Variants in SH3BP5 observed in about 807,000 individuals in gnomAD.
The protein encoded by SH3BP5 is SH3 domain binding protein 5.
In SH3BP5, 22 loss-of-function variants were observed where a neutral mutation model predicts 43.3. That is an observed-to-expected ratio of 0.51 (90% CI 0.36 to 0.73). The LOEUF is 0.73. SH3BP5 is among the 30% of genes least tolerant of loss of function. SH3BP5 has a pLI of 0.00. For synonymous variants in SH3BP5, 255 were observed against 225.8 expected (o/e 1.13, Z -1.16); for missense variants, 529 against 586.9 (o/e 0.90, Z 1.02).
rs1223277145 is a variant in SH3BP5 at position 15,255,239 on chromosome 3, T to G, written c.*847A>C. 2 of 152,688 alleles carry G rather than the reference T, an allele frequency of 1.3e-5. No individual in the cohort carries two copies. The highest frequency in any genetic ancestry group is 6.5e-5 in the Admixed American group (1 of 15,294). The allele number at this position is 152,688 out of a possible 1,614,324, so 9.5% of individuals were successfully genotyped here. A position where few individuals can be genotyped will look rare whatever the true frequency, so the allele number is the denominator to read the frequency against. ...ATAACCCTTAAATAATTTCATTTAT[T>G]TTTAAAGTTACAACCTACAGAGAAA... On this transcript the variant is annotated 3_prime_UTR_variant, in exon 9 of 9. Coordinates refer to ENST00000383791, the MANE Select transcript of SH3BP5 (RefSeq NM_004844.5).
At chr3:15,288,938 A>G in intron 3 of SH3BP5, among the ~76,000 whole-genome samples, 1 of 152,236 alleles carries the variant, frequency 6.6e-6, no homozygotes, top group Admixed American at 6.5e-5. Flanking sequence ...CACAATGTAG[A>G]ATGGGAAAGG....
At chr3:15,323,181 G>A (rs975701446) in intron 2 of SH3BP5, among the ~76,000 whole-genome samples, 7 of 145,640 alleles carry the variant, frequency 4.8e-5, no homozygotes, top group African/African-American at 1.8e-4. Flanking sequence ...GGCTCACTCA[G>A]GGAAACTAAT....
intron 3 of SH3BP5, among the ~76,000 whole-genome samples, chr3:15,296,643 C>T (rs1327780490): frequency 1.3e-5 from 2 of 151,222 alleles, no homozygotes; most frequent in Non-Finnish European, 2.9e-5. Context: ...AGTTTATATC[C>T]TACCTTTGCA....
chr3:15,339,275 A>G (rs978592676), intron 1 of SH3BP5, among the ~76,000 whole-genome samples: 20 of 152,018 alleles, frequency 1.3e-4, no homozygotes, highest in Non-Finnish European at 1.8e-4. Flanking sequence ...ATTGAATTAA[A>G]CTTGTCTCTT....
In SH3BP5 at chr3:15,258,952, C is replaced by CT; in HGVS notation, c.767dup (p.Ile257AspfsTer20). ...CACTGGAGCGCCGCCGCTCGTGGAT[C>CT]TCATCTGAGATCATCTCCAGGTTCT... On this transcript the variant is annotated frameshift_variant, in exon 7 of 9. Coordinates refer to ENST00000383791, the MANE Select transcript of SH3BP5 (RefSeq NM_004844.5). LOFTEE classifies it high-confidence loss of function. The CT allele has an allele frequency of 6.2e-7, 1 of 1,614,216 alleles. No homozygotes were observed. The highest frequency in any genetic ancestry group is 8.5e-7 in the Non-Finnish European group (1 of 1,180,036).
intron 3 of SH3BP5, among the ~76,000 whole-genome samples, 174 bp from the exon 4 acceptor site, chr3:15,270,051 G>A (rs1009985426): frequency 1.2e-4 from 19 of 152,340 alleles, no homozygotes; most frequent in African/African-American, 4.3e-4. Flanking sequence ...GACCCCTGAT[G>A]GGGGAGTGAG....
chr3:15,275,161 G>C (rs373226257), intron 3 of SH3BP5, among the ~76,000 whole-genome samples: 1 of 152,232 alleles, frequency 6.6e-6, no homozygotes, highest in South Asian at 2.1e-4. Flanking sequence ...GAAGCACCAT[G>C]CTGTCAAAAG....
chr3:15,285,791 C>T (rs1196543837), intron 3 of SH3BP5, among the ~76,000 whole-genome samples: 1 of 152,212 alleles, frequency 6.6e-6, no homozygotes, highest in Non-Finnish European at 1.5e-5. Flanking sequence ...TCAGACTTCC[C>T]TGGGTCACTC....
chr3:15,335,095 A>G (rs1273181554), upstream of SH3BP5, among the ~76,000 whole-genome samples: 2 of 152,122 alleles, frequency 1.3e-5, no homozygotes, highest in African/African-American at 4.8e-5. Context: ...TGGACAACAA[A>G]GCAAGACCTG....
chr3:15,304,343 C>G, intron 2 of SH3BP5, 112 bp from the exon 3 acceptor site: 7 of 1,508,322 alleles, frequency 4.6e-6, no homozygotes, highest in Admixed American at 1.8e-5. Flanking sequence ...ACGTACAGAC[C>G]CCTAAAGTAG....
In SH3BP5 at chr3:15,329,231, G is replaced by T. The variant is rs570099454; in HGVS notation, c.201+1273C>A. On this transcript the variant is annotated intron_variant, in intron 2 of 8. Transcript: ENST00000383791. ...TATGGGACAGCATAGCTCTAGGCTG[G>T]TGTGACAGGATGGAATGAGCTAAAA... 2.4e-4 allele frequency among the ~76,000 whole-genome samples: 36 copies of T among 152,304 alleles called. No homozygotes were observed. In the South Asian group the frequency reaches 6.4e-3, roughly 27 times the overall value.
intron 2 of SH3BP5, among the ~76,000 whole-genome samples, chr3:15,310,158 C>T (rs1367721976): frequency 6.6e-6 from 1 of 152,208 alleles, no homozygotes. Flanking sequence ...GGGCGATAGA[C>T]ATGACCCATC....
At chr3:15,326,998 C>T (rs956061743) in intron 2 of SH3BP5, among the ~76,000 whole-genome samples, 1 of 152,040 alleles carries the variant, frequency 6.6e-6, no homozygotes, top group African/African-American at 2.4e-5. Flanking sequence ...TGCTCCAAGC[C>T]CTGCATTTTC....
At chr3:15,332,171 C>A in intron 1 of SH3BP5, 100 bp downstream of exon 1, 1 of 1,518,890 alleles carries the variant, frequency 6.6e-7, no homozygotes, top group Non-Finnish European at 8.8e-7. Context: ...AGTCCCCGGA[C>A]CACAGTTACT....
chr3:15,268,575 G>A (rs1696708591), intron 4 of SH3BP5, among the ~76,000 whole-genome samples: 1 of 152,118 alleles, frequency 6.6e-6, no homozygotes, highest in African/African-American at 2.4e-5. Context: ...GGGATACCAG[G>A]AACATGAGCC....
Position 15,254,624 on chromosome 3 carries a change from G to GTCTT in SH3BP5, c.*1458_*1461dup, listed in dbSNP as rs1696129293. 2 of 152,258 alleles carry GTCTT rather than the reference G, an allele frequency of 1.3e-5. No homozygotes were observed. Among genetic ancestry groups the GTCTT allele is most frequent in the African/African-American group, 4.8e-5 (2 of 41,534 alleles). 9.4% of individuals were successfully genotyped at this position (152,258 alleles called of 1,614,324 possible). A position where few individuals can be genotyped will look rare whatever the true frequency, so the allele number is the denominator to read the frequency against. On this transcript the variant is annotated 3_prime_UTR_variant, in exon 9 of 9. Transcript: ENST00000383791. ...CCCACTCCTCCAGCGTCACCACCTC[G>GTCTT]TCTTTATCTGCCACTGTGTCTCCTC...
chr3:15,259,949 C>T, intron 5 of SH3BP5, 146 bp from the exon 6 acceptor site: 1 of 711,196 alleles, frequency 1.4e-6, no homozygotes, highest in East Asian at 2.7e-5. Flanking sequence ...CGTGACATGT[C>T]AGTGATGCTC....
chr3:15,265,799 T>C (rs966066546), intron 4 of SH3BP5, among the ~76,000 whole-genome samples: 2 of 151,846 alleles, frequency 1.3e-5, no homozygotes, highest in African/African-American at 4.8e-5. Flanking sequence ...CGGAGCAGCA[T>C]ACTCCGGAGA....
rs576531158 is a variant in SH3BP5, at chr3:15,300,338, G to T, written c.330+3765C>A. 7.2e-5 allele frequency among the ~76,000 whole-genome samples: 11 copies of T among 152,254 alleles called. No homozygotes were observed. In the South Asian group the frequency reaches 2.3e-3, roughly 32 times the overall value. On this transcript the variant is annotated intron_variant, in intron 3 of 8. Coordinates refer to ENST00000383791, the MANE Select transcript of SH3BP5 (RefSeq NM_004844.5). The stretch of plus-strand genomic sequence containing the variant: ...AGGCCAACCTCATGAGATAGCCAGG[G>T]CTGTTCCCTTGACTGCCAGCATTTC...
Sources: allele counts gnomAD v4.1 joint callset (sites outside exome capture counted in the v4.1 genomes callset), GRCh38; gene constraint gnomAD v4.1.1; transcripts MANE v1.5; gene names NCBI Gene and HGNC (gene_info 2026-07-23, HGNC 2026-07-21).